FRMD3: variants seen among roughly 807,000 people sequenced by gnomAD.
The protein encoded by FRMD3 is FERM domain-containing protein 3.
In FRMD3, 33 loss-of-function variants were observed where a neutral mutation model predicts 70.2. The ratio of observed to expected loss-of-function variants is 0.47; its 90% CI spans 0.36 to 0.63. FRMD3 has a LOEUF of 0.63. Among genes scored for constraint, FRMD3 ranks in the 20% least tolerant of loss-of-function variants. The pLI, the probability that FRMD3 is intolerant of heterozygous loss-of-function variation, is 0.00. For missense variants in FRMD3, 632 were observed against 711.4 expected (o/e 0.89, Z 1.27); for synonymous variants, 279 against 255.9 (o/e 1.09, Z -0.86).
chr9:83,515,047 A>T (rs554137070), intron 1 of FRMD3, among the ~76,000 whole-genome samples: 1 of 152,332 alleles, frequency 6.6e-6, no homozygotes, highest in East Asian at 1.9e-4. Flanking sequence ...AAAAACCAGA[A>T]TATCTCTTCT....
chr9:83,252,568 A>C (rs1178845808), intron 13 of FRMD3, among the ~76,000 whole-genome samples: 1 of 152,208 alleles, frequency 6.6e-6, no homozygotes, highest in East Asian at 1.9e-4. Flanking sequence ...AAAGAAACTG[A>C]ATGGCAAACT....
At chr9:83,272,233 G>T (rs1337685894) in intron 13 of FRMD3, among the ~76,000 whole-genome samples, 1 of 151,604 alleles carries the variant, frequency 6.6e-6, no homozygotes, top group Non-Finnish European at 1.5e-5. Context: ...CCTGCCCAGT[G>T]CCTGGGATTG....
At chr9:83,546,916 G>T in the FRMD3 span, among the ~76,000 whole-genome samples, 1 of 117,886 alleles carries the variant, frequency 8.5e-6, no homozygotes. Context: ...AGTATAGATT[G>T]GTGAAATGGA....
At chr9:83,331,898 T>C in intron 6 of FRMD3, 1 of 717,440 alleles carries the variant, frequency 1.4e-6, no homozygotes, top group Non-Finnish European at 2.6e-6. Context: ...GGGTAAGATC[T>C]TGGGATGAGT....
At chr9:83,342,696 A>ATAGT (rs1823806820) in intron 5 of FRMD3, among the ~76,000 whole-genome samples, 1 of 72,720 alleles carries the variant, frequency 1.4e-5, no homozygotes, top group African/African-American at 4.3e-5. Flanking sequence ...GATAGATTAG[A>ATAGT]TAGATAGATA....
intron 13 of FRMD3, among the ~76,000 whole-genome samples, chr9:83,251,872 A>T (rs1049756486): frequency 1.3e-5 from 2 of 152,256 alleles, no homozygotes; most frequent in African/African-American, 4.8e-5. Context: ...GATTATGTGA[A>T]GAGCCTGAAC....
chr9:83,441,773 G>A (rs543488559), intron 1 of FRMD3, among the ~76,000 whole-genome samples: 174 of 152,040 alleles, frequency 1.1e-3, no homozygotes, highest in Middle Eastern at 3.2e-3. Context: ...ATCTGCGGAC[G>A]CCACCAGCTT....
At chr9:83,583,582 A>G in the FRMD3 span, among the ~76,000 whole-genome samples, 1 of 152,212 alleles carries the variant, frequency 6.6e-6, no homozygotes, top group Non-Finnish European at 1.5e-5. Context: ...AATTAGATAT[A>G]ATCCCTTGCA....
chr9:83,536,354 G>A (rs1205542408), intron 1 of FRMD3, among the ~76,000 whole-genome samples: 1 of 152,020 alleles, frequency 6.6e-6, no homozygotes, highest in Admixed American at 6.5e-5. Flanking sequence ...CTGAGGGAGG[G>A]GAAAAAAATG....
intron 12 of FRMD3, among the ~76,000 whole-genome samples, chr9:83,294,987 G>A (rs749170268): frequency 1.3e-5 from 2 of 152,114 alleles, no homozygotes; most frequent in Non-Finnish European, 2.9e-5. Context: ...GCTAGGATAC[G>A]TGCCATGTTT....
intron 3 of FRMD3, among the ~76,000 whole-genome samples, chr9:83,351,437 C>T (rs1169742042): frequency 2.0e-5 from 3 of 151,738 alleles, no homozygotes; most frequent in African/African-American, 7.3e-5. Context: ...TAACCTGATC[C>T]TATGTTCCCA....
chr9:83,360,495 T>G (rs777231012), intron 3 of FRMD3, among the ~76,000 whole-genome samples: 1 of 152,168 alleles, frequency 6.6e-6, no homozygotes, highest in South Asian at 2.1e-4. Flanking sequence ...CAGACACTCA[T>G]GCTGCCAGCA....
At chr9:83,271,176 C>T (rs750892807) in intron 13 of FRMD3, among the ~76,000 whole-genome samples, 1 of 152,164 alleles carries the variant, frequency 6.6e-6, no homozygotes, top group Non-Finnish European at 1.5e-5. Flanking sequence ...AATTTATCTA[C>T]ATTAGAAACC....
intron 3 of FRMD3, among the ~76,000 whole-genome samples, chr9:83,351,688 GA>G (rs1408695930): frequency 3.5e-3 from 34 of 9,818 alleles, no homozygotes; most frequent in Non-Finnish European, 5.4e-3. Flanking sequence ...ATAGTTACAT[GA>G]TAGATAGATA....
At chr9:83,519,712 T>G (rs1829529527) in intron 1 of FRMD3, among the ~76,000 whole-genome samples, 1 of 152,238 alleles carries the variant, frequency 6.6e-6, no homozygotes. Flanking sequence ...ATTGTAGCAC[T>G]ATTCACAATA....
intron 2 of FRMD3, among the ~76,000 whole-genome samples, chr9:83,386,787 C>CT (rs1825522517): frequency 6.6e-6 from 1 of 152,228 alleles, no homozygotes; most frequent in Non-Finnish European, 1.5e-5. Flanking sequence ...TCTCCAATCT[C>CT]TGACTGTGAA....
chr9:83,419,521 ATG>A (rs1430525737), intron 1 of FRMD3, among the ~76,000 whole-genome samples: 1 of 145,832 alleles, frequency 6.9e-6, no homozygotes, highest in Non-Finnish European at 1.5e-5. Context: ...TGTGTGTGAT[ATG>A]TGTTCATGTG....
chr9:83,558,780 T>C, the FRMD3 span, among the ~76,000 whole-genome samples: 1 of 152,130 alleles, frequency 6.6e-6, no homozygotes, highest in African/African-American at 2.4e-5. Flanking sequence ...GAAACATTAA[T>C]AGGAATTTCA....
chr9:83,578,944 T>C, the FRMD3 span, among the ~76,000 whole-genome samples: 5 of 152,152 alleles, frequency 3.3e-5, no homozygotes, highest in African/African-American at 1.2e-4. Flanking sequence ...AAAAAACTGC[T>C]AGACCTGATA....
Sources: allele counts gnomAD v4.1 joint callset (sites outside exome capture counted in the v4.1 genomes callset), GRCh38; gene constraint gnomAD v4.1.1; transcripts MANE v1.5; gene names NCBI Gene and HGNC (gene_info 2026-07-23, HGNC 2026-07-21).